Variants in BRDT observed in about 807,000 individuals in gnomAD.
BRDT encodes bromodomain testis associated.
In BRDT, 77 loss-of-function variants were observed where a neutral mutation model predicts 113.9. The observed-to-expected ratio is 0.68, with a 90% CI of 0.56 to 0.82. BRDT has a LOEUF of 0.82. BRDT is among the 40% of genes least tolerant of loss of function. The pLI is 0.00. For synonymous variants in BRDT, 358 were observed against 366.5 expected, an observed-to-expected ratio of 0.98 and a Z score of 0.26; for missense variants, 1,027 against 1,105.4, an observed-to-expected ratio of 0.93 and a Z score of 1.01.
chr1:91,989,236 T>A (rs891937166), intron 12 of BRDT, among the ~76,000 whole-genome samples: 5 of 152,156 alleles, frequency 3.3e-5, no homozygotes, highest in African/African-American at 1.2e-4. Flanking sequence ...TATTGTAGGA[T>A]AATGTAGTTT....
At chr1:92,012,912 GAA>G (rs35560801) in intron 18 of BRDT, among the ~76,000 whole-genome samples, 1 of 130,144 alleles carries the variant, frequency 7.7e-6, no homozygotes, top group Admixed American at 7.9e-5. Context: ...TCTGTCACAA[GAA>G]AAAAAAAAAA....
rs149531064 is a variant in BRDT, at chr1:91,970,216, G to A, written c.445+1956G>A. ...AAAAAAAGACAATGCATTATGACAC[G>A]TGTCAGATGAAATTACATGTAACAT... On this transcript the variant is annotated intron_variant, in intron 4 of 18. Transcript: ENST00000399546. 4.5e-3 allele frequency among the ~76,000 whole-genome samples: 692 copies of A among 152,212 alleles called. 8 individuals are homozygous for A. Among genetic ancestry groups the A allele is most frequent in the African/African-American group, 0.016 (657 of 41,544 alleles).
intron 1 of BRDT, among the ~76,000 whole-genome samples, chr1:91,961,967 A>G (rs996217706): frequency 3.3e-5 from 5 of 151,688 alleles, no homozygotes; most frequent in Non-Finnish European, 7.4e-5. Context: ...ACCACGGTGA[A>G]ACCCCATCTC....
chr1:91,962,915 G>A lies in BRDT; in HGVS notation c.161G>A (p.Arg54His), dbSNP rs371597005. 27 of 1,606,954 alleles carry A rather than the reference G, an allele frequency of 1.7e-5. No homozygotes were observed. The Admixed American group carries it at 2.4e-4, about 14-fold the overall frequency. ...CATAGTTTTTCATGGCCCTTTCAAC[G>A]TCCTGTGGATGCTGTGAAACTACAG... ...WKHSFSWPFQ[R>H]PVDAVKLQLP... The change falls in exon 2 of 19, where the codon CGT (arginine) becomes CAT (histidine). Residue 54 changes from arginine (R) to histidine (H), a missense_variant. Arg to His is a conservative substitution (Grantham distance 29). Transcript: ENST00000399546.
chr1:91,954,884 G>A (rs1359122948), intron 1 of BRDT, among the ~76,000 whole-genome samples: 2 of 152,088 alleles, frequency 1.3e-5, no homozygotes, highest in Non-Finnish European at 1.5e-5. Context: ...GATGGCTTGA[G>A]CCCGAGATCG....
intron 12 of BRDT, among the ~76,000 whole-genome samples, chr1:91,982,935 G>T (rs1684850175): frequency 6.6e-6 from 1 of 152,126 alleles, no homozygotes; most frequent in Admixed American, 6.6e-5. Context: ...ATTAGCATTT[G>T]TAACTTCATC....
rs1215179988 is a variant in BRDT, at chr1:91,949,497, TGTAATATACAG to T, written c.-218_-208del. On this transcript the variant is annotated 5_prime_UTR_variant, in exon 1 of 19. Coordinates refer to ENST00000399546, the MANE Select transcript of BRDT (RefSeq NM_207189.4). ...AGGGGCAATCACATAAGGTCGGTTTTGTAATATACAGGTAACATACAGGTAATGTACCCTCC... is the reference window on the plus strand; with the variant it reads ...AGGGGCAATCACATAAGGTCGGTTTTGTAACATACAGGTAATGTACCCTCC... The T allele has an allele frequency of 1.3e-5, 2 of 152,236 alleles. No individual in the cohort carries two copies. The highest frequency in any genetic ancestry group is 4.8e-5 in the African/African-American group (2 of 41,454). 9.4% of individuals were successfully genotyped at this position (152,236 alleles called of 1,614,324 possible).
At position 91,952,435 on chromosome 1, in the gene BRDT, G is replaced by C. The variant is rs868307773; in HGVS notation, c.-38+2753G>C. Among the ~76,000 whole-genome samples, 7 of 152,220 alleles carry C rather than the reference G, an allele frequency of 4.6e-5. No individual in the cohort carries two copies. The South Asian group carries it at 1.5e-3, about 32-fold the overall frequency. ...TGGCAGGTGCACTGGCCAGAAAGGG[G>C]CTCTTCGGCTGAATGCTATGAGTCC... On this transcript the variant is annotated intron_variant, in intron 1 of 18. Transcript: ENST00000399546.
intron 1 of BRDT, 58 bp from the exon 2 acceptor site, chr1:91,962,660 A>T: frequency 9.5e-7 from 1 of 1,052,814 alleles, no homozygotes; most frequent in Non-Finnish European, 1.3e-6. Context: ...AACACTTTTC[A>T]GCTCCTGTGG....
intron 2 of BRDT, among the ~76,000 whole-genome samples, chr1:91,964,135 A>C (rs1001277633): frequency 1.3e-5 from 2 of 152,040 alleles, no homozygotes; most frequent in Admixed American, 1.3e-4. Flanking sequence ...ATCTTGGCTC[A>C]CTGCAACCTC....
intron 18 of BRDT, among the ~76,000 whole-genome samples, chr1:92,007,381 G>A (rs1339415157): frequency 2.0e-5 from 3 of 151,996 alleles, no homozygotes; most frequent in Non-Finnish European, 2.9e-5. Flanking sequence ...GCTCCTCTCC[G>A]TCCTCCCAAC....
chr1:91,992,301 C>A lies in BRDT; in HGVS notation c.2102C>A (p.Thr701Lys), dbSNP rs996824777. 4 of 1,511,444 alleles carry A rather than the reference C, an allele frequency of 2.6e-6. No individual in the cohort carries two copies. The highest frequency in any genetic ancestry group is 3.6e-6 in the Non-Finnish European group (4 of 1,124,514). The allele number at this position is 1,511,444 out of a possible 1,614,324, so 93.6% of individuals were successfully genotyped here. ...GAATGCATACCGCCTGAAGGAAGAA[C>A]AGGCGTCACACAGGTAATGCTTAAA... ...KNECIPPEGRTGVTQIGYCVQ... is the reference protein window; with the variant it reads ...KNECIPPEGRKGVTQIGYCVQ... The change falls in exon 14 of 19, where the codon ACA becomes AAA. Residue 701 changes from threonine to lysine, a missense_variant. Coordinates refer to ENST00000399546, the MANE Select transcript of BRDT (RefSeq NM_207189.4).
intron 18 of BRDT, among the ~76,000 whole-genome samples, chr1:92,011,033 A>G (rs890005817): frequency 6.6e-6 from 1 of 152,016 alleles, no homozygotes; most frequent in Non-Finnish European, 1.5e-5. Context: ...CCTAGGAAAA[A>G]CGTGTAAATT....
At chr1:91,985,828 C>T (rs1685180887) in intron 12 of BRDT, among the ~76,000 whole-genome samples, 1 of 150,960 alleles carries the variant, frequency 6.6e-6, no homozygotes, top group Non-Finnish European at 1.5e-5. Context: ...TTAGTAGAGA[C>T]GGGGTTTCAC....
chr1:91,992,005 AAAAAAAAAAAAAAGAAAAG>A (rs1685819565), intron 13 of BRDT, among the ~76,000 whole-genome samples: 1 of 130,726 alleles, frequency 7.6e-6, no homozygotes, highest in African/African-American at 3.0e-5. Flanking sequence ...AAAAAAAAAA[AAAAAAAAAAAAAAGAAAAG>A]AAAAAGAAAA....
At chr1:91,954,920 C>T (rs1016940472) in intron 1 of BRDT, among the ~76,000 whole-genome samples, 14 of 152,230 alleles carry the variant, frequency 9.2e-5, no homozygotes, top group South Asian at 8.3e-4. Context: ...GTGATCATGC[C>T]ACTGCACTCC....
chr1:91,999,133 A>G (rs1686607119), intron 15 of BRDT, among the ~76,000 whole-genome samples: 1 of 152,106 alleles, frequency 6.6e-6, no homozygotes, highest in African/African-American at 2.4e-5. Flanking sequence ...GGAAAAAATG[A>G]CATAAAGTGA....
At chr1:92,005,648 C>T (rs562318654) in intron 18 of BRDT, among the ~76,000 whole-genome samples, 33 of 152,036 alleles carry the variant, frequency 2.2e-4, no homozygotes, top group Non-Finnish European at 4.6e-4. Context: ...TGCTCTCAAA[C>T]AAACAAAAAA....
intron 2 of BRDT, among the ~76,000 whole-genome samples, chr1:91,963,177 G>T (rs1682675144): frequency 6.6e-6 from 1 of 152,138 alleles, no homozygotes; most frequent in Non-Finnish European, 1.5e-5. Context: ...TACAAAATTA[G>T]CCGGGCGTGG....
Sources: gnomAD v4.1 joint callset for allele counts (sites outside exome capture counted in the v4.1 genomes callset) on GRCh38, gnomAD v4.1.1 for gene constraint, MANE v1.5 for transcripts, NCBI Gene and HGNC (gene_info 2026-07-23, HGNC 2026-07-21) for gene names.